SNTG1: variants seen among roughly 807,000 people sequenced by gnomAD.
SNTG1 encodes the protein syntrophin gamma 1.
SNTG1 carries 39 observed loss-of-function variants against 74.7 expected under a neutral mutation model. The ratio of observed to expected loss-of-function variants is 0.52; its 90% confidence interval spans 0.40 to 0.68. The LOEUF (loss-of-function observed/expected upper bound fraction) is 0.68. SNTG1 is among the 30% of genes least tolerant of loss of function. The probability of loss-of-function intolerance (pLI) is 0.00; values close to 1 mark genes in which losing one functional copy is unlikely to be tolerated. For synonymous variants in SNTG1, 254 were observed against 217.1 expected, an observed-to-expected ratio of 1.17 and a Z score of -1.49; for missense variants, 685 against 609.5, an observed-to-expected ratio of 1.12 and a Z score of -1.30.
At chr8:50,320,351 G>A (rs925217394) in intron 2 of SNTG1, among the ~76,000 whole-genome samples, 1 of 152,000 alleles carries the variant, frequency 6.6e-6, no homozygotes, top group African/African-American at 2.4e-5. Context: ...CATATCAATT[G>A]TAATGTTTCA....
intron 18 of SNTG1, among the ~76,000 whole-genome samples, chr8:50,772,350 G>C (rs1277196258): frequency 2.6e-5 from 4 of 152,126 alleles, no homozygotes; most frequent in African/African-American, 9.7e-5. Context: ...AAGATTTACT[G>C]TCTGCCCTGC....
intron 4 of SNTG1, among the ~76,000 whole-genome samples, chr8:50,408,472 A>T (rs2092907664): frequency 6.6e-6 from 1 of 152,160 alleles, no homozygotes; most frequent in South Asian, 2.1e-4. Flanking sequence ...ACTGGGACTC[A>T]GGGATGGCAG....
intron 1 of SNTG1, among the ~76,000 whole-genome samples, chr8:50,092,545 C>A (rs377704475): frequency 2.0e-5 from 3 of 152,120 alleles, no homozygotes; most frequent in Non-Finnish European, 2.9e-5. Flanking sequence ...TTCAGGACTC[C>A]CTGATATCCT....
intron 2 of SNTG1, among the ~76,000 whole-genome samples, chr8:50,284,934 A>G (rs2130480428): frequency 6.6e-6 from 1 of 152,166 alleles, no homozygotes; most frequent in East Asian, 1.9e-4. Context: ...TTTACTTTTA[A>G]AAGTATTTGT....
intron 2 of SNTG1, among the ~76,000 whole-genome samples, chr8:50,293,647 C>A (rs1335650366): frequency 6.6e-6 from 1 of 151,946 alleles, no homozygotes; most frequent in South Asian, 2.1e-4. Context: ...TGACCTGAAG[C>A]GATCCACCTG....
chr8:50,109,667 G>A (rs930530279), intron 1 of SNTG1, among the ~76,000 whole-genome samples: 1 of 152,120 alleles, frequency 6.6e-6, no homozygotes, highest in Non-Finnish European at 1.5e-5. Context: ...TATCAGGAAG[G>A]GGGAGATCCT....
intron 2 of SNTG1, among the ~76,000 whole-genome samples, chr8:50,238,185 G>T (rs1425048109): frequency 6.6e-6 from 1 of 151,920 alleles, no homozygotes; most frequent in African/African-American, 2.4e-5. Flanking sequence ...AATAACCAAA[G>T]CAACCCTAAG....
chr8:50,073,601 C>T (rs1011504285), intron 1 of SNTG1, among the ~76,000 whole-genome samples: 2 of 151,948 alleles, frequency 1.3e-5, no homozygotes, highest in East Asian at 1.9e-4. Flanking sequence ...TGCCAAAATC[C>T]AGCAGAAGAA....
chr8:50,145,945 A>G (rs944159532), intron 1 of SNTG1, among the ~76,000 whole-genome samples: 7 of 149,016 alleles, frequency 4.7e-5, no homozygotes, highest in African/African-American at 1.8e-4. Flanking sequence ...TGTATCATGT[A>G]CCCTAGAACT....
chr8:49,982,352 T>C (rs1489085071), intron 1 of SNTG1, among the ~76,000 whole-genome samples: 1 of 152,110 alleles, frequency 6.6e-6, no homozygotes, highest in East Asian at 1.9e-4. Flanking sequence ...GTAAATGTTT[T>C]TGGCATTTTG....
rs143681411 is a variant in SNTG1 at position 50,721,458 on chromosome 8, A to T, written c.1284+12480A>T. On this transcript the variant is annotated intron_variant, in intron 17 of 18. Transcript: ENST00000642720. ...GGAGACAAATTCTTAAAATAGCAGC[A>T]TTATTATAAGAAGAAGTGATGACTC... Among the ~76,000 whole-genome samples, 331 of 152,338 alleles carry T rather than the reference A, an allele frequency of 2.2e-3. 2 individuals are homozygous for T. The highest frequency in any genetic ancestry group is 7.6e-3 in the African/African-American group (314 of 41,570).
At chr8:49,947,519 G>T (rs318876) in intron 1 of SNTG1, among the ~76,000 whole-genome samples, 2 of 152,026 alleles carry the variant, frequency 1.3e-5, no homozygotes, top group East Asian at 1.9e-4. Context: ...AGTATAAATG[G>T]CATCTTCCAG....
At chr8:50,044,961 G>T (rs75343463) in intron 1 of SNTG1, among the ~76,000 whole-genome samples, 3,050 of 152,280 alleles carry the variant, frequency 0.02, 43 homozygotes, top group Non-Finnish European at 0.03. Context: ...GGACTCTGTT[G>T]GTTTAGATAG....
At chr8:50,760,388 G>A (rs2131735169) in intron 18 of SNTG1, among the ~76,000 whole-genome samples, 1 of 152,154 alleles carries the variant, frequency 6.6e-6, no homozygotes, top group East Asian at 1.9e-4. Flanking sequence ...GAATAAGAGT[G>A]GTGAGAGAGG....
intron 1 of SNTG1, among the ~76,000 whole-genome samples, chr8:50,114,933 AGTTT>A (rs2080754566): frequency 6.6e-6 from 1 of 152,156 alleles, no homozygotes; most frequent in Non-Finnish European, 1.5e-5. Flanking sequence ...TGTAGCAATT[AGTTT>A]GATTGTGATT....
At chr8:50,259,428 G>A (rs1465306610) in intron 2 of SNTG1, among the ~76,000 whole-genome samples, 1 of 151,528 alleles carries the variant, frequency 6.6e-6, no homozygotes, top group African/African-American at 2.4e-5. Context: ...GAACCTGGGA[G>A]GTGGAGGTGG....
chr8:50,780,483 ATTTGCATAGAGGTGTTTGTAGTATTCTC>A (rs2095655767), intron 18 of SNTG1, among the ~76,000 whole-genome samples: 1 of 152,050 alleles, frequency 6.6e-6, no homozygotes, highest in African/African-American at 2.4e-5. Flanking sequence ...TTTCTAGTTT[ATTTGCATAGAGGTGTTTGTAGTATTCTC>A]TGATGGTAGT....
chr8:50,069,947 G>A (rs1044362271), intron 1 of SNTG1, among the ~76,000 whole-genome samples: 2 of 152,120 alleles, frequency 1.3e-5, no homozygotes, highest in South Asian at 4.2e-4. Context: ...TTCTGTGAGC[G>A]CAAGTCAGGC....
At chr8:50,577,759 A>G (rs746762341) in intron 12 of SNTG1, among the ~76,000 whole-genome samples, 3 of 152,196 alleles carry the variant, frequency 2.0e-5, no homozygotes, top group Non-Finnish European at 4.4e-5. Flanking sequence ...TTATTGTTGC[A>G]CTGCTGTTCT....
Sources: allele counts gnomAD v4.1 joint callset (sites outside exome capture counted in the v4.1 genomes callset), GRCh38; gene constraint gnomAD v4.1.1; transcripts MANE v1.5; gene names NCBI Gene and HGNC (gene_info 2026-07-23, HGNC 2026-07-21).